The following CYP4F22 variants were observed in gnomAD, a reference collection of about 807,000 sequenced individuals.
CYP4F22 encodes ultra-long-chain fatty acid omega-hydroxylase.
Under a neutral mutation model 60.4 loss-of-function variants are expected in CYP4F22, and 37 were observed. The observed-to-expected ratio is 0.61, with a 90% CI of 0.47 to 0.81. The LOEUF is 0.81. Ranked by LOEUF, CYP4F22 falls within the 30% of genes least tolerant of loss-of-function variation. CYP4F22 has a pLI of 0.00. For missense variants in CYP4F22, 655 were observed against 715.0 expected (o/e 0.92, Z 0.96); for synonymous variants, 258 against 280.5 (o/e 0.92, Z 0.80).
chr19:15,508,727 C>A (rs994085183), intron 1 of CYP4F22, 144 bp downstream of exon 1: 7 of 139,402 alleles, frequency 5.0e-5, no homozygotes, highest in African/African-American at 2.4e-4. Flanking sequence ...GCCACGGGGA[C>A]CCCCCCAGGA....
At position 15,551,304 on chromosome 19, in the gene CYP4F22, G is replaced by C. The variant is rs1329001480; in HGVS notation, c.1429G>C (p.Gly477Arg). 5.0e-6 allele frequency: 8 copies of C among 1,612,698 alleles called. No individual in the cohort carries two copies. The highest frequency in any genetic ancestry group is 6.8e-6 in the Non-Finnish European group (8 of 1,179,442). Residue 477 changes from glycine (G) to arginine (R), a missense_variant, in exon 14 of 14, where the codon GGA becomes CGA. Gly to Arg is a moderately radical substitution (Grantham distance 125, BLOSUM62 -2). Around this residue, in one of 3 missense-constraint regions of CYP4F22, gnomAD observed 151 missense variants for 139.4 expected, o/e 1.08. Coordinates refer to ENST00000269703, the MANE Select transcript of CYP4F22 (RefSeq NM_173483.4). ...CCCCTCTTCCTCCAGGAATTGCATCGGACAGAGCTTCGCCATGGCCGAGTT... is the reference window on the plus strand; with the variant it reads ...CCCCTCTTCCTCCAGGAATTGCATCCGACAGAGCTTCGCCATGGCCGAGTT... ...PFSAGPRNCI[G>R]QSFAMAELRV...
intron 4 of CYP4F22, among the ~76,000 whole-genome samples, chr19:15,531,450 AAC>A (rs1191008832): frequency 1.3e-5 from 2 of 151,462 alleles, no homozygotes; most frequent in Admixed American, 1.3e-4. Context: ...TGCCTCTACA[AAC>A]ACGCATCTGG....
Position 15,548,993 on chromosome 19 carries a change from CA to C in CYP4F22, c.1271-144del, listed in dbSNP as rs1365595097. 53 of 839,568 alleles carry C rather than the reference CA, an allele frequency of 6.3e-5. No homozygotes were observed. The Middle Eastern group carries it at 6.6e-4, about 11-fold the overall frequency. The allele number at this position is 839,568 out of a possible 1,614,324, so 52.0% of individuals were successfully genotyped here. On this transcript the variant is annotated intron_variant, in intron 11 of 13. Transcript: ENST00000269703. ...AAGGTGGGAAGAGTGGATGGGGCAG[CA>C]GAATTTTTTAGAGAAGGATGGACAG...
chr19:15,526,038 A>G (rs1971278953), intron 3 of CYP4F22, among the ~76,000 whole-genome samples: 1 of 151,702 alleles, frequency 6.6e-6, no homozygotes, highest in African/African-American at 2.4e-5. Context: ...AGTGGCACAC[A>G]CCTGTAATCC....
intron 10 of CYP4F22, among the ~76,000 whole-genome samples, chr19:15,545,072 CA>C (rs1189081654): frequency 2.1e-5 from 3 of 143,470 alleles, no homozygotes; most frequent in African/African-American, 7.8e-5. Flanking sequence ...CACCCCCCCA[CA>C]AAAAAAGATA....
intron 4 of CYP4F22, among the ~76,000 whole-genome samples, chr19:15,532,112 A>AT (rs1291494809): frequency 1.3e-5 from 2 of 150,712 alleles, no homozygotes; most frequent in Non-Finnish European, 3.0e-5. Flanking sequence ...CTCTAAAAAA[A>AT]TTAAAAAAAA....
chr19:15,532,114 T>TAA (rs201371896), intron 4 of CYP4F22, among the ~76,000 whole-genome samples: 1 of 149,278 alleles, frequency 6.7e-6, no homozygotes. Flanking sequence ...CTAAAAAAAT[T>TAA]AAAAAAAAAA....
At position 15,529,938 on chromosome 19, in the gene CYP4F22, G is replaced by A. The variant is rs1464385591; in HGVS notation, c.367+85G>A. On this transcript the variant is annotated intron_variant, in intron 4 of 13. Coordinates refer to ENST00000269703, the MANE Select transcript of CYP4F22 (RefSeq NM_173483.4). The stretch of plus-strand genomic sequence containing the variant: ...ATTCTAGGCAGGTGGGATATCCAGA[G>A]GAAGGGTCATTTGAATAGGGCTTTG... 3.2e-6 allele frequency: 5 copies of A among 1,581,600 alleles called. No homozygotes were observed. The East Asian group carries it at 8.9e-5, about 28-fold the overall frequency.
rs1051036301 is a variant in CYP4F22 at position 15,537,283 on chromosome 19, A to C, written c.368-78A>C. On this transcript the variant is annotated intron_variant, in intron 4 of 13. Coordinates refer to ENST00000269703, the MANE Select transcript of CYP4F22 (RefSeq NM_173483.4). ...ACCACTGCACTCCAGCCTGGATGAC[A>C]GAGCAAGACTCCGTAAAAAAAAACA... The C allele has an allele frequency of 4.4e-6, 7 of 1,574,740 alleles. No individual in the cohort carries two copies. The African/African-American group carries it at 9.4e-5, about 21-fold the overall frequency.
At chr19:15,547,984 AGAGAGAGAGAGGGAGAGAGTGTGTGT>A in intron 10 of CYP4F22, 98 bp from the exon 11 acceptor site, 1 of 989,146 alleles carries the variant, frequency 1.0e-6, no homozygotes, top group Non-Finnish European at 1.4e-6. Flanking sequence ...AGAGAGAGAG[AGAGAGAGAGAGGGAGAGAGTGTGTGT>A]GTGTGTGTGT....
intron 1 of CYP4F22, among the ~76,000 whole-genome samples, chr19:15,518,164 C>T (rs151139434): frequency 6.6e-6 from 1 of 152,060 alleles, no homozygotes; most frequent in African/African-American, 2.4e-5. Context: ...TAGCCAGACC[C>T]CATCTCTACC....
Position 15,537,395 on chromosome 19 carries a change from C to T in CYP4F22, c.402C>T (p.Gly134=). 6.2e-7 allele frequency: 1 copy of T among 1,614,192 alleles called. No homozygotes were observed. The highest frequency in any genetic ancestry group is 8.5e-7 in the Non-Finnish European group (1 of 1,180,026). ...AIAPKDDLFY[G]FLKPWLGDGL... is the part of the protein sequence containing the mutation. Reference sequence around the variant, plus strand: ...CCCCCAAGGATGACCTCTTCTATGGCTTCCTAAAACCTTGGCTAGGTGAGT... The same window carrying T: ...CCCCCAAGGATGACCTCTTCTATGGTTTCCTAAAACCTTGGCTAGGTGAGT... Residue 134 remains glycine, a synonymous_variant, in exon 5 of 14, where the codon GGC becomes GGT. Coordinates refer to ENST00000269703, the MANE Select transcript of CYP4F22 (RefSeq NM_173483.4).
At chr19:15,545,833 A>G (rs1388144840) in intron 10 of CYP4F22, among the ~76,000 whole-genome samples, 3 of 152,022 alleles carry the variant, frequency 2.0e-5, no homozygotes, top group African/African-American at 7.3e-5. Context: ...CACTTTGCTA[A>G]TCTTCCTTTT....
intron 7 of CYP4F22, among the ~76,000 whole-genome samples, chr19:15,540,158 G>A (rs1384781088): frequency 6.6e-6 from 1 of 152,096 alleles, no homozygotes; most frequent in Non-Finnish European, 1.5e-5. Flanking sequence ...CCGAGACTGG[G>A]TGTGGTGGCT....
At chr19:15,511,567 T>C (rs1241967605) in intron 1 of CYP4F22, among the ~76,000 whole-genome samples, 3 of 152,148 alleles carry the variant, frequency 2.0e-5, no homozygotes, top group Non-Finnish European at 4.4e-5. Context: ...GTCTCTGGGG[T>C]AAGCCAGCCC....
At position 15,537,648 on chromosome 19, in the gene CYP4F22, G is replaced by C. The variant is rs758816247; in HGVS notation, c.535G>C (p.Ala179Pro). The C allele has an allele frequency of 3.7e-6, 6 of 1,613,168 alleles. No individual in the cohort carries two copies. The South Asian group carries it at 5.5e-5, about 15-fold the overall frequency. Residue 179 changes from alanine to proline, a missense_variant, in exon 6 of 14, where the codon GCT becomes CCT. Ala to Pro is a conservative substitution (Grantham distance 27). Around this residue, in one of 3 missense-constraint regions of CYP4F22, gnomAD observed 430 missense variants for 457.1 expected, o/e 0.94. Coordinates refer to ENST00000269703, the MANE Select transcript of CYP4F22 (RefSeq NM_173483.4). ...TTACATGAAGATCTTCAACCAGAGC[G>C]CTGACATTATGCATGTGAGTCCTAA... ...KPYMKIFNQS[A>P]DIMHAKWRHL...
intron 7 of CYP4F22, among the ~76,000 whole-genome samples, chr19:15,538,232 T>A (rs1364682094): frequency 6.6e-6 from 1 of 152,132 alleles, no homozygotes; most frequent in Non-Finnish European, 1.5e-5. Context: ...TGAGATAATG[T>A]GAATCAATGG....
chr19:15,515,504 C>T (rs1000335722), intron 1 of CYP4F22: 4 of 666,954 alleles, frequency 6.0e-6, no homozygotes, highest in South Asian at 1.4e-5. Flanking sequence ...GTGGATGGTT[C>T]GCCTGAGGTC....
intron 11 of CYP4F22, among the ~76,000 whole-genome samples, 184 bp downstream of exon 11, chr19:15,548,425 C>A (rs569418885): frequency 6.6e-6 from 1 of 152,102 alleles, no homozygotes; most frequent in South Asian, 2.1e-4. Context: ...GGAGATAGAG[C>A]CGGGTGAGTC....
Sources: gnomAD v4.1 joint callset for allele counts (sites outside exome capture counted in the v4.1 genomes callset) on GRCh38, gnomAD v4.1.1 for gene constraint, gnomAD v4.1.1 regional missense constraint, MANE v1.5 for transcripts, NCBI Gene and HGNC (gene_info 2026-07-23, HGNC 2026-07-21) for gene names.